Variants in GABRA5 observed in about 807,000 individuals in gnomAD.
The protein encoded by GABRA5 is gamma-aminobutyric acid receptor subunit alpha-5.
A neutral mutation model predicts 47.3 loss-of-function variants in GABRA5; 18 were observed. The ratio of observed to expected loss-of-function variants is 0.38; its 90% CI spans 0.26 to 0.56. The LOEUF is 0.56. GABRA5 is among the 20% of genes least tolerant of loss of function. The pLI is 0.71. For synonymous variants in GABRA5, 237 were observed against 229.3 expected (o/e 1.03, Z -0.30); for missense variants, 365 against 599.3 (o/e 0.61, Z 4.08).
chr15:26,866,980 G>C (rs994741861), upstream of GABRA5: 1 of 152,294 alleles, frequency 6.6e-6, no homozygotes, highest in Non-Finnish European at 1.5e-5. Flanking sequence ...GCCGAGCCGG[G>C]GGCCCTGCGC....
At chr15:26,870,614 C>CTTA in intron 3 of GABRA5, among the ~76,000 whole-genome samples, 1 of 152,156 alleles carries the variant, frequency 6.6e-6, no homozygotes, top group East Asian at 1.9e-4. Flanking sequence ...TCTTGCCTTG[C>CTTA]TTATCTTGAG....
At chr15:26,940,189 T>C in intron 9 of GABRA5, 112 bp downstream of exon 9, 1 of 879,324 alleles carries the variant, frequency 1.1e-6, no homozygotes, top group Non-Finnish European at 1.7e-6. Context: ...CTTTGTTGTG[T>C]GACCTGGAAA....
At chr15:26,927,621 TAA>T (rs1190590350) in intron 7 of GABRA5, among the ~76,000 whole-genome samples, 2 of 152,240 alleles carry the variant, frequency 1.3e-5, no homozygotes, top group African/African-American at 4.8e-5. Context: ...ATGATAATTC[TAA>T]GAGAAGAATT....
At chr15:26,869,693 G>T (rs1892415653) in intron 3 of GABRA5, among the ~76,000 whole-genome samples, 2 of 152,244 alleles carry the variant, frequency 1.3e-5, no homozygotes. Context: ...ACAAGGCAGT[G>T]CCAACATTTC....
In GABRA5 at chr15:26,913,139, C is replaced by A. The variant is rs375760707; in HGVS notation, c.498-1664C>A. 1.0e-4 allele frequency among the ~76,000 whole-genome samples: 15 copies of A among 149,998 alleles called. No homozygotes were observed. The East Asian group carries it at 2.6e-3, about 26-fold the overall frequency. On this transcript the variant is annotated intron_variant, in intron 6 of 10. Transcript: ENST00000335625. The stretch of plus-strand genomic sequence containing the variant: ...TGGAGATTGTGGTGTGGCAAGATTG[C>A]GCCACTGCACTCCAGCCTGGGCAAC...
intron 6 of GABRA5, among the ~76,000 whole-genome samples, chr15:26,901,393 G>T (rs941622283): frequency 6.6e-6 from 1 of 152,102 alleles, no homozygotes; most frequent in South Asian, 2.1e-4. Flanking sequence ...GCTTTAATTT[G>T]TGTTTTTCTG....
chr15:26,904,829 G>T (rs188583839), intron 6 of GABRA5, among the ~76,000 whole-genome samples: 1 of 151,940 alleles, frequency 6.6e-6, no homozygotes, highest in Non-Finnish European at 1.5e-5. Flanking sequence ...CTGAAACTTT[G>T]TTATTTATCA....
intron 1 of GABRA5, among the ~76,000 whole-genome samples, chr15:26,868,421 A>G (rs751370524): frequency 6.6e-6 from 1 of 152,166 alleles, no homozygotes; most frequent in Non-Finnish European, 1.5e-5. Flanking sequence ...TTCTTTTCGA[A>G]GCATACTGTT....
chr15:26,869,299 CTT>C lies in GABRA5; in HGVS notation c.54_55del (p.Phe18LeufsTer23). ...TTATCATGATCAAAAACCTCCTTCT[CTT>C]TTGTATTTCCATGAACTTATCCAGT... Reference protein sequence around the residue: ...GFIMIKNLLLFCISMNLSSHF... With the variant: ...GFIMIKNLLLXCISMNLSSHF... On this transcript the variant is annotated frameshift_variant, in exon 3 of 11. Transcript: ENST00000335625. LOFTEE classifies it high-confidence loss of function. 1 of 1,609,602 alleles carries C rather than the reference CTT, an allele frequency of 6.2e-7. No individual in the cohort carries two copies. The highest frequency in any genetic ancestry group is 8.5e-7 in the Non-Finnish European group (1 of 1,175,944).
At chr15:26,892,767 C>G (rs1260199674) in intron 6 of GABRA5, among the ~76,000 whole-genome samples, 2 of 152,058 alleles carry the variant, frequency 1.3e-5, no homozygotes, top group Non-Finnish European at 2.9e-5. Flanking sequence ...AGAAGAGGAT[C>G]GTGGGATGGA....
intron 10 of GABRA5, among the ~76,000 whole-genome samples, chr15:26,943,843 C>A (rs1043069802): frequency 1.3e-5 from 2 of 152,040 alleles, no homozygotes; most frequent in African/African-American, 4.8e-5. Flanking sequence ...CAAGCCCCAC[C>A]GAGTGCATGA....
intron 7 of GABRA5, among the ~76,000 whole-genome samples, chr15:26,934,344 C>T (rs374515207): frequency 3.3e-5 from 5 of 151,832 alleles, no homozygotes; most frequent in African/African-American, 1.2e-4. Flanking sequence ...AAACCCTGTA[C>T]CTTTTCAAAT....
At chr15:26,925,661 G>A (rs1469587538) in intron 7 of GABRA5, among the ~76,000 whole-genome samples, 3 of 151,810 alleles carry the variant, frequency 2.0e-5, no homozygotes, top group Non-Finnish European at 2.9e-5. Flanking sequence ...CACTGATTGC[G>A]TTTTCTCTTG....
At chr15:26,888,642 C>A (rs1056405063) in intron 6 of GABRA5, among the ~76,000 whole-genome samples, 2 of 152,188 alleles carry the variant, frequency 1.3e-5, no homozygotes, top group African/African-American at 2.4e-5. Flanking sequence ...AGGGTGGCCA[C>A]CTGTTTCAGA....
chr15:26,874,767 C>T (rs1488472763), intron 3 of GABRA5, among the ~76,000 whole-genome samples: 1 of 134,820 alleles, frequency 7.4e-6, no homozygotes, highest in African/African-American at 2.9e-5. Context: ...TATTTAACAA[C>T]TTATTTTAAA....
At position 26,944,521 on chromosome 15, in the gene GABRA5, C is replaced by T. The variant is rs554734876; in HGVS notation, c.1089+1095C>T. 9.2e-5 allele frequency among the ~76,000 whole-genome samples: 14 copies of T among 152,218 alleles called. No homozygotes were observed. In the East Asian group the frequency reaches 2.3e-3, roughly 25 times the overall value. On this transcript the variant is annotated intron_variant, in intron 10 of 10. Transcript: ENST00000335625. The stretch of plus-strand genomic sequence containing the variant: ...AAAGGGGAAACCGGAGGAAGGGCCT[C>T]GGGCATGGGTATGCTTTGAGGGCTG...
chr15:26,911,414 C>G (rs1296630090), intron 6 of GABRA5, among the ~76,000 whole-genome samples: 2 of 150,826 alleles, frequency 1.3e-5, no homozygotes, highest in African/African-American at 4.9e-5. Flanking sequence ...CACACTCCTG[C>G]AATATGCTAA....
At chr15:26,872,301 T>C (rs1296414564) in intron 3 of GABRA5, among the ~76,000 whole-genome samples, 1 of 152,196 alleles carries the variant, frequency 6.6e-6, no homozygotes, top group African/African-American at 2.4e-5. Context: ...AGCCACTGTA[T>C]GAGCTGAGCA....
At chr15:26,885,485 T>C (rs532142572) in intron 6 of GABRA5, among the ~76,000 whole-genome samples, 40 of 152,150 alleles carry the variant, frequency 2.6e-4, no homozygotes, top group African/African-American at 9.4e-4. Flanking sequence ...CAGTTCCAAA[T>C]CTATTTGACA....
Sources: gnomAD v4.1 joint callset for allele counts (sites outside exome capture counted in the v4.1 genomes callset) on GRCh38, gnomAD v4.1.1 for gene constraint, MANE v1.5 for transcripts, NCBI Gene and HGNC (gene_info 2026-07-23, HGNC 2026-07-21) for gene names.